FRMPD2: variants seen among roughly 807,000 people sequenced by gnomAD.
FRMPD2 encodes the protein FERM and PDZ domain-containing protein 2.
Under a neutral mutation model 140.1 loss-of-function variants are expected in FRMPD2, and 96 were observed. The ratio of observed to expected loss-of-function variants is 0.69; its 90% CI spans 0.58 to 0.81. The LOEUF is 0.81. Among genes scored for constraint, FRMPD2 ranks in the 40% least tolerant of loss-of-function variants. FRMPD2 has a pLI of 0.00. For synonymous variants in FRMPD2, 449 were observed against 547.6 expected, an observed-to-expected ratio of 0.82 and a Z score of 2.52; for missense variants, 1,240 against 1,447.4, an observed-to-expected ratio of 0.86 and a Z score of 2.32.
chr10:48,180,002 G>A (rs1261860442), intron 21 of FRMPD2, among the ~76,000 whole-genome samples: 1 of 152,216 alleles, frequency 6.6e-6, no homozygotes, highest in African/African-American at 2.4e-5. Context: ...GGCGAGAGAA[G>A]GGAGTGGTCG....
intron 12 of FRMPD2, among the ~76,000 whole-genome samples, chr10:48,214,275 C>T (rs1839394913): frequency 6.6e-6 from 1 of 152,144 alleles, no homozygotes; most frequent in African/African-American, 2.4e-5. Flanking sequence ...TTCTTGCTTC[C>T]CAAATAAATT....
chr10:48,215,249 G>GC (rs1194535136), intron 12 of FRMPD2, among the ~76,000 whole-genome samples: 1 of 151,972 alleles, frequency 6.6e-6, no homozygotes, highest in Admixed American at 6.6e-5. Flanking sequence ...ATAACAGGTG[G>GC]CCCCCACCCA....
chr10:48,257,023 G>A (rs1840502436), intron 1 of FRMPD2, among the ~76,000 whole-genome samples: 2 of 152,084 alleles, frequency 1.3e-5, no homozygotes, highest in Admixed American at 1.3e-4. Context: ...CAGGGTGTCC[G>A]CAGGACTATG....
At chr10:48,179,522 C>A (rs1260843469) in intron 21 of FRMPD2, among the ~76,000 whole-genome samples, 1 of 151,330 alleles carries the variant, frequency 6.6e-6, no homozygotes, top group African/African-American at 2.5e-5. Context: ...CATGACTCTC[C>A]ATTCTTCATC....
At chr10:48,191,817 T>C (rs956634835) in intron 16 of FRMPD2, among the ~76,000 whole-genome samples, 13 of 152,232 alleles carry the variant, frequency 8.5e-5, no homozygotes, top group African/African-American at 2.9e-4. Context: ...TCATGTGAAG[T>C]TGCATTTATA....
chr10:48,160,204 T>A (rs1252246364), intron 28 of FRMPD2, among the ~76,000 whole-genome samples: 1 of 151,634 alleles, frequency 6.6e-6, no homozygotes, highest in Non-Finnish European at 1.5e-5. Context: ...TGTACTGTAC[T>A]GCTTTATTAC....
chr10:48,260,586 TA>T (rs1167965574), intron 1 of FRMPD2, among the ~76,000 whole-genome samples: 31 of 152,316 alleles, frequency 2.0e-4, no homozygotes, highest in African/African-American at 7.5e-4. Flanking sequence ...ATGGCTTCAT[TA>T]AAATTGACAC....
rs143880375 is a variant in FRMPD2, at chr10:48,236,164, A to G, written c.993+318T>C. The stretch of plus-strand genomic sequence containing the variant: ...CCTTCTAGAATGTAATCTCCACATG[A>G]AAAGGACTTTGTTTCATTCGCAGCA... On this transcript the variant is annotated intron_variant, in intron 9 of 28. Transcript: ENST00000374201. Among the ~76,000 whole-genome samples the G allele has an allele frequency of 2.3e-3, 344 of 151,704 alleles. 2 individuals are homozygous for G. The highest frequency in any genetic ancestry group is 8.1e-3 in the African/African-American group (334 of 41,362).
At chr10:48,226,592 T>C (rs1286121435) in intron 10 of FRMPD2, among the ~76,000 whole-genome samples, 1 of 152,230 alleles carries the variant, frequency 6.6e-6, no homozygotes, top group African/African-American at 2.4e-5. Context: ...TTAAAGAAGA[T>C]GAAATTCCCA....
chr10:48,182,276 C>T lies in FRMPD2; in HGVS notation c.2585-1268G>A, dbSNP rs77778099. 2.6e-5 allele frequency among the ~76,000 whole-genome samples: 4 copies of T among 152,254 alleles called. No homozygotes were observed. In the East Asian group the frequency reaches 5.8e-4, roughly 22 times the overall value. ...GTCCTTCTGGCAGTGTCATAAGCAT[C>T]GGCTCATTCTCTTCCACATCCTCCA... On this transcript the variant is annotated intron_variant, in intron 20 of 28. Coordinates refer to ENST00000374201, the MANE Select transcript of FRMPD2 (RefSeq NM_001018071.4).
intron 1 of FRMPD2, among the ~76,000 whole-genome samples, chr10:48,264,111 T>C (rs550170394): frequency 1.3e-5 from 2 of 151,966 alleles, no homozygotes; most frequent in Admixed American, 1.3e-4. Context: ...AAACTCTCTG[T>C]TAACCAGGAA....
chr10:48,189,122 G>A lies in FRMPD2; in HGVS notation c.2166-1830C>T, dbSNP rs369955203. The stretch of plus-strand genomic sequence containing the variant: ...ACCACCATTTAAAAACATTTTAAAC[G>A]TGAACTTTAAAAAAATCCATTTACT... On this transcript the variant is annotated intron_variant, in intron 16 of 28. Coordinates refer to ENST00000374201, the MANE Select transcript of FRMPD2 (RefSeq NM_001018071.4). Among the ~76,000 whole-genome samples the A allele has an allele frequency of 3.3e-5, 5 of 152,118 alleles. No individual in the cohort carries two copies. In the East Asian group the frequency reaches 5.8e-4, roughly 18 times the overall value.
At chr10:48,205,928 T>C (rs1242953397) in intron 14 of FRMPD2, among the ~76,000 whole-genome samples, 2 of 152,204 alleles carry the variant, frequency 1.3e-5, no homozygotes, top group Non-Finnish European at 2.9e-5. Context: ...CAGATAATGA[T>C]ACAAATAGTG....
At chr10:48,246,102 T>C (rs1840242727) in intron 3 of FRMPD2, among the ~76,000 whole-genome samples, 1 of 152,132 alleles carries the variant, frequency 6.6e-6, no homozygotes, top group African/African-American at 2.4e-5. Flanking sequence ...TGCACCCCCA[T>C]TTCCAGAGAA....
At chr10:48,256,091 G>A (rs1242407091) in intron 1 of FRMPD2, among the ~76,000 whole-genome samples, 1 of 152,222 alleles carries the variant, frequency 6.6e-6, no homozygotes, top group African/African-American at 2.4e-5. Flanking sequence ...CTGTGGCTGA[G>A]TATTAACTAG....
chr10:48,195,696 T>A (rs560246655), intron 15 of FRMPD2, among the ~76,000 whole-genome samples: 1 of 152,262 alleles, frequency 6.6e-6, no homozygotes. Context: ...TATCATATTA[T>A]TTGTAATACT....
Position 48,235,748 on chromosome 10 carries a change from C to T in FRMPD2, c.993+734G>A, listed in dbSNP as rs116063193. ...TACTCAACATTGACTGAGAAGCTCT[C>T]GGCCCCAACTGGGCCCTGGACAACA... is the stretch of plus-strand genomic sequence containing the variant. On this transcript the variant is annotated intron_variant, in intron 9 of 28. Coordinates refer to ENST00000374201, the MANE Select transcript of FRMPD2 (RefSeq NM_001018071.4). 4.9e-3 allele frequency among the ~76,000 whole-genome samples: 750 copies of T among 152,326 alleles called. 4 individuals are homozygous for T. Among genetic ancestry groups the T allele is most frequent in the African/African-American group, 0.017 (705 of 41,562 alleles).
intron 16 of FRMPD2, 94 bp downstream of exon 16, chr10:48,192,590 C>CAAA: frequency 9.4e-7 from 1 of 1,062,272 alleles, no homozygotes; most frequent in Non-Finnish European, 1.3e-6. Context: ...AACTCAGTCT[C>CAAA]AAAAAAAAAA....
At chr10:48,241,121 C>T (rs776162700) in intron 5 of FRMPD2, among the ~76,000 whole-genome samples, 29 of 152,156 alleles carry the variant, frequency 1.9e-4, no homozygotes, top group Non-Finnish European at 4.1e-4. Context: ...CCACCAAATC[C>T]TCTGGCTCAA....
Sources: gnomAD v4.1 joint callset for allele counts (sites outside exome capture counted in the v4.1 genomes callset) on GRCh38, gnomAD v4.1.1 for gene constraint, MANE v1.5 for transcripts, NCBI Gene and HGNC (gene_info 2026-07-23, HGNC 2026-07-21) for gene names.